Variants in C12orf56 observed in about 807,000 individuals in gnomAD.
The protein encoded by C12orf56 is chromosome 12 open reading frame 56.
Under a neutral mutation model 69.9 loss-of-function variants are expected in C12orf56, and 71 were observed. That is an observed-to-expected ratio of 1.02 (90% CI 0.84 to 1.24). C12orf56 has a LOEUF of 1.24. Among genes scored for constraint, C12orf56 ranks in the 50% most tolerant of loss-of-function variants. The probability of loss-of-function intolerance (pLI) is 0.00; values close to 1 mark genes in which losing one functional copy is unlikely to be tolerated. For synonymous variants in C12orf56, 276 were observed against 274.1 expected, an observed-to-expected ratio of 1.01 and a Z score of -0.07; for missense variants, 732 against 738.5, an observed-to-expected ratio of 0.99 and a Z score of 0.10.
chr12:64,371,389 C>A (rs1256622748), intron 1 of C12orf56, among the ~76,000 whole-genome samples: 2 of 151,986 alleles, frequency 1.3e-5, no homozygotes, highest in Non-Finnish European at 2.9e-5. Context: ...CAGAGTGAGA[C>A]CCTGTCTCAA....
chr12:64,388,222 G>A (rs1162857033), intron 1 of C12orf56, among the ~76,000 whole-genome samples: 2 of 152,136 alleles, frequency 1.3e-5, no homozygotes, highest in Non-Finnish European at 2.9e-5. Context: ...ACAGGCGTGA[G>A]CCACCATGCC....
chr12:64,387,710 G>T (rs1592511294), intron 1 of C12orf56, among the ~76,000 whole-genome samples: 2 of 151,938 alleles, frequency 1.3e-5, no homozygotes, highest in South Asian at 2.1e-4. Context: ...TACTCAGAAG[G>T]GTGAGGTGGG....
chr12:64,335,942 G>C (rs187937787), intron 2 of C12orf56, among the ~76,000 whole-genome samples: 12 of 152,154 alleles, frequency 7.9e-5, no homozygotes, highest in Admixed American at 5.9e-4. Context: ...GTGCTCAGCA[G>C]TTATTGTGTG....
intron 1 of C12orf56, among the ~76,000 whole-genome samples, chr12:64,380,680 C>T (rs929790015): frequency 6.6e-6 from 1 of 152,144 alleles, no homozygotes; most frequent in Non-Finnish European, 1.5e-5. Flanking sequence ...GGAAGTGATG[C>T]TGAGTTTGGG....
intron 5 of C12orf56, among the ~76,000 whole-genome samples, chr12:64,308,312 AC>A (rs1380191238): frequency 6.6e-6 from 1 of 152,188 alleles, no homozygotes; most frequent in Non-Finnish European, 1.5e-5. Flanking sequence ...ATAGTGGAAG[AC>A]CCTGTATCAA....
Position 64,323,087 on chromosome 12 carries a change from A to G in C12orf56, c.489-4107T>C, listed in dbSNP as rs541554261. ...GCCTTTGTCTGGTGGTGGAAGCTGT[A>G]AAATGTGAATTTAAGACAGTCAGTG... On this transcript the variant is annotated intron_variant, in intron 3 of 12. Coordinates refer to ENST00000543942, the MANE Select transcript of C12orf56 (RefSeq NM_001170633.2). 5.9e-5 allele frequency among the ~76,000 whole-genome samples: 9 copies of G among 152,336 alleles called. No homozygotes were observed. The East Asian group carries it at 1.7e-3, about 29-fold the overall frequency.
intron 1 of C12orf56, among the ~76,000 whole-genome samples, chr12:64,374,478 AT>A (rs2039614607): frequency 6.6e-6 from 1 of 152,030 alleles, no homozygotes; most frequent in Non-Finnish European, 1.5e-5. Flanking sequence ...TTTTCACCAT[AT>A]TTATATTTGC....
At chr12:64,370,711 C>G (rs7316696) in intron 1 of C12orf56, among the ~76,000 whole-genome samples, 7,099 of 152,004 alleles carry the variant, frequency 0.047, 539 homozygotes, top group African/African-American at 0.16. Flanking sequence ...AAGAAAAAAA[C>G]TAGAATAACT....
chr12:64,340,758 C>G (rs1026782699), intron 2 of C12orf56, among the ~76,000 whole-genome samples: 11 of 152,226 alleles, frequency 7.2e-5, no homozygotes, highest in African/African-American at 2.2e-4. Flanking sequence ...GTCACGTCAT[C>G]ATAGCTGGTA....
chr12:64,306,753 C>G (rs1378743787), intron 5 of C12orf56, among the ~76,000 whole-genome samples: 1 of 152,132 alleles, frequency 6.6e-6, no homozygotes, highest in Admixed American at 6.6e-5. Flanking sequence ...AATAATACCT[C>G]ACATTTGTAA....
At chr12:64,380,425 A>T (rs1451480187) in intron 1 of C12orf56, among the ~76,000 whole-genome samples, 1 of 152,214 alleles carries the variant, frequency 6.6e-6, no homozygotes, top group East Asian at 1.9e-4. Flanking sequence ...ATCAGCAAAT[A>T]GTTATTGACC....
At chr12:64,319,447 G>GTACAGT (rs2038740229) in intron 3 of C12orf56, among the ~76,000 whole-genome samples, 1 of 152,160 alleles carries the variant, frequency 6.6e-6, no homozygotes, top group African/African-American at 2.4e-5. Flanking sequence ...CCAGGTTGGA[G>GTACAGT]TACAGTGGTG....
chr12:64,377,267 T>C (rs1417533681), intron 1 of C12orf56, among the ~76,000 whole-genome samples: 2 of 149,802 alleles, frequency 1.3e-5, no homozygotes, highest in Non-Finnish European at 3.0e-5. Flanking sequence ...CTCGGCTCAC[T>C]GCAACCTCCA....
At chr12:64,295,882 TTA>T (rs2038358611) in intron 6 of C12orf56, among the ~76,000 whole-genome samples, 2 of 151,952 alleles carry the variant, frequency 1.3e-5, no homozygotes, top group East Asian at 1.9e-4. Context: ...AATATGTACA[TTA>T]TATATGTGTA....
At position 64,267,100 on chromosome 12, in the gene C12orf56, TA is replaced by T. The variant is rs1429882968; in HGVS notation, c.*82del. The T allele has an allele frequency of 4.5e-5, 47 of 1,052,250 alleles. No individual in the cohort carries two copies. The Admixed American group carries it at 1.1e-3, about 24-fold the overall frequency. 65.2% of individuals were successfully genotyped at this position (1,052,250 alleles called of 1,614,324 possible). ...CAGAGATAGCCAGATATTAAACAAA[TA>T]AAAAAATGTTTCTCGTGAATATCAA... is the stretch of plus-strand genomic sequence containing the variant. On this transcript the variant is annotated 3_prime_UTR_variant, in exon 13 of 13. Coordinates refer to ENST00000543942, the MANE Select transcript of C12orf56 (RefSeq NM_001170633.2).
At chr12:64,341,481 C>A (rs1215937072) in intron 2 of C12orf56, among the ~76,000 whole-genome samples, 2 of 152,198 alleles carry the variant, frequency 1.3e-5, no homozygotes, top group African/African-American at 2.4e-5. Context: ...TTCTATCAAT[C>A]CAGCTGCTTC....
chr12:64,387,505 C>T (rs2039810104), intron 1 of C12orf56, among the ~76,000 whole-genome samples: 1 of 151,894 alleles, frequency 6.6e-6, no homozygotes, highest in Non-Finnish European at 1.5e-5. Flanking sequence ...TTTAGATTCT[C>T]ACAGGTAAAA....
At chr12:64,276,854 C>T (rs10784393) in intron 9 of C12orf56, among the ~76,000 whole-genome samples, 139,282 of 150,394 alleles carry the variant, frequency 0.93, 65,360 homozygotes, top group East Asian at 1. Flanking sequence ...ATTAGCCAGG[C>T]GTGGTGGCTC....
intron 3 of C12orf56, among the ~76,000 whole-genome samples, chr12:64,330,364 C>A (rs2136863926): frequency 6.6e-6 from 1 of 152,300 alleles, no homozygotes; most frequent in Non-Finnish European, 1.5e-5. Flanking sequence ...TGTTCCATTT[C>A]TTTTCTGCCT....
Sources: gnomAD v4.1 joint callset for allele counts (sites outside exome capture counted in the v4.1 genomes callset) on GRCh38, gnomAD v4.1.1 for gene constraint, MANE v1.5 for transcripts, NCBI Gene and HGNC (gene_info 2026-07-23, HGNC 2026-07-21) for gene names.